Variants in TMEM41B observed in about 807,000 individuals in gnomAD.
TMEM41B encodes the protein protein stasimon.
In TMEM41B, 18 loss-of-function variants were observed where a neutral mutation model predicts 31.9. The observed-to-expected ratio is 0.56, with a 90% confidence interval of 0.39 to 0.84. TMEM41B has a LOEUF of 0.84. TMEM41B is among the 40% of genes least tolerant of loss of function. The pLI, the probability that TMEM41B is intolerant of heterozygous loss-of-function variation, is 0.00. For synonymous variants in TMEM41B, 144 were observed against 124.3 expected (o/e 1.16, Z -1.05); for missense variants, 322 against 348.0 (o/e 0.93, Z 0.59).
chr11:9,295,184 G>A (rs181671007), intron 3 of TMEM41B, 75 bp downstream of exon 3: 3 of 1,313,496 alleles, frequency 2.3e-6, no homozygotes, highest in Admixed American at 3.3e-5. Flanking sequence ...AAATAGTTAT[G>A]TATAAATGAA....
At chr11:9,285,703 T>C (rs1403926817) in intron 6 of TMEM41B, among the ~76,000 whole-genome samples, 3 of 151,774 alleles carry the variant, frequency 2.0e-5, no homozygotes, top group Non-Finnish European at 4.4e-5. Flanking sequence ...CGATAAAAGC[T>C]GGTTTCAGTA....
In TMEM41B at chr11:9,314,566, G is replaced by C. The variant is rs1853648386; in HGVS notation, c.-125C>G. ...CACTTCCGGCGCGACCTCCTCACCC[G>C]AGACGACCTCAGCCCAGCGAGTACT... On this transcript the variant is annotated 5_prime_UTR_variant, in exon 1 of 7. Transcript: ENST00000528080. 1.5e-6 allele frequency: 2 copies of C among 1,354,106 alleles called. No individual in the cohort carries two copies. The highest frequency in any genetic ancestry group is 9.8e-7 in the Non-Finnish European group (1 of 1,021,174). The allele number at this position is 1,354,106 out of a possible 1,614,324, so 83.9% of individuals were successfully genotyped here. A position where few individuals can be genotyped will look rare whatever the true frequency, so the allele number is the denominator to read the frequency against.
chr11:9,296,888 T>C (rs1310162625), intron 2 of TMEM41B, among the ~76,000 whole-genome samples: 1 of 152,174 alleles, frequency 6.6e-6, no homozygotes, highest in African/African-American at 2.4e-5. Context: ...TAATCACCTT[T>C]GTGTTTCATG....
At position 9,314,398 on chromosome 11, in the gene TMEM41B, T is replaced by A; in HGVS notation, c.44A>T (p.His15Leu). 2 of 1,570,668 alleles carry A rather than the reference T, an allele frequency of 1.3e-6. No individual in the cohort carries two copies. Among genetic ancestry groups the A allele is most frequent in the Non-Finnish European group, 1.7e-6 (2 of 1,158,120 alleles). Reference protein sequence around the residue: ...RVAERSQLGAHHTTPVGDGAA... With the variant: ...RVAERSQLGALHTTPVGDGAA... ...CCCGTCCCCCACGGGGGTCGTGTGG[T>A]GAGCGCCCAACTGCGATCGTTCGGC... is the stretch of plus-strand genomic sequence containing the variant. Residue 15 changes from histidine (H) to leucine (L), a missense_variant, in exon 1 of 7, where the codon CAC (histidine) becomes CTC (leucine). Physicochemically the swap from His to Leu is moderately conservative, Grantham distance 99. Coordinates refer to ENST00000528080, the MANE Select transcript of TMEM41B (RefSeq NM_015012.4).
At chr11:9,306,478 C>A (rs927817733) in intron 1 of TMEM41B, among the ~76,000 whole-genome samples, 1 of 151,864 alleles carries the variant, frequency 6.6e-6, no homozygotes, top group East Asian at 2.0e-4. Context: ...GTCAGGAGAT[C>A]GAGACCATCC....
At chr11:9,291,814 T>C (rs2133618353) in intron 3 of TMEM41B, among the ~76,000 whole-genome samples, 1 of 152,220 alleles carries the variant, frequency 6.6e-6, no homozygotes, top group South Asian at 2.1e-4. Context: ...GTTCAAGCAA[T>C]TCTCTGCCTC....
At chr11:9,283,808 G>A (rs893259825) in intron 6 of TMEM41B, among the ~76,000 whole-genome samples, 14 of 150,354 alleles carry the variant, frequency 9.3e-5, no homozygotes, top group African/African-American at 3.4e-4. Context: ...TTTTGAGACG[G>A]AGTTTCGCTC....
At chr11:9,304,573 G>C (rs922524297) in intron 1 of TMEM41B, among the ~76,000 whole-genome samples, 1 of 151,944 alleles carries the variant, frequency 6.6e-6, no homozygotes, top group Non-Finnish European at 1.5e-5. Context: ...CCTGGGAGTT[G>C]AATGCCTTCA....
At chr11:9,286,803 C>G (rs1590371361) in intron 5 of TMEM41B, among the ~76,000 whole-genome samples, 1 of 151,642 alleles carries the variant, frequency 6.6e-6, no homozygotes, top group Non-Finnish European at 1.5e-5. Context: ...AGTTCGAGAA[C>G]AGCCTGGCTA....
intron 3 of TMEM41B, among the ~76,000 whole-genome samples, chr11:9,288,780 G>A (rs558501552): frequency 1.3e-5 from 2 of 152,204 alleles, no homozygotes; most frequent in East Asian, 3.9e-4. Context: ...CACTTTGGGG[G>A]AGGAACAAAA....
At chr11:9,300,827 G>A (rs543381538) in intron 1 of TMEM41B, among the ~76,000 whole-genome samples, 2 of 151,474 alleles carry the variant, frequency 1.3e-5, no homozygotes, top group African/African-American at 2.4e-5. Flanking sequence ...GCAGTGTGCT[G>A]AGATCGCACC....
At position 9,303,048 on chromosome 11, in the gene TMEM41B, G is replaced by A. The variant is rs969335104; in HGVS notation, c.122-3347C>T. 1.9e-5 allele frequency among the ~76,000 whole-genome samples: 2 copies of A among 102,604 alleles called. 1 individual carries two copies. The highest frequency in any genetic ancestry group is 1.9e-4 in the Admixed American group (2 of 10,778). The allele number at this position is 102,604 out of a possible 152,430, so 67.3% of individuals were successfully genotyped here. ...TTGTTGTTGTCTGAGAAGGAGTCTC[G>A]CTCTGTTGCCCAGGCTGGACTGCAG... On this transcript the variant is annotated intron_variant, in intron 1 of 6. Coordinates refer to ENST00000528080, the MANE Select transcript of TMEM41B (RefSeq NM_015012.4).
At chr11:9,305,553 T>C (rs896971766) in intron 1 of TMEM41B, among the ~76,000 whole-genome samples, 2 of 152,184 alleles carry the variant, frequency 1.3e-5, no homozygotes, top group African/African-American at 4.8e-5. Flanking sequence ...TGAGCCAAAG[T>C]TGCGCCATTG....
chr11:9,300,585 T>G (rs11042273), intron 1 of TMEM41B, among the ~76,000 whole-genome samples: 22,250 of 152,038 alleles, frequency 0.15, 2,309 homozygotes, highest in African/African-American at 0.28. Flanking sequence ...GCTTAAAAAA[T>G]TATATGAACG....
At chr11:9,313,802 CTG>C (rs1853620388) in intron 1 of TMEM41B, among the ~76,000 whole-genome samples, 1 of 152,170 alleles carries the variant, frequency 6.6e-6, no homozygotes, top group Non-Finnish European at 1.5e-5. Flanking sequence ...AGTTCAGACA[CTG>C]AGCTTTTTTT....
intron 1 of TMEM41B, chr11:9,311,726 G>A: frequency 1.4e-6 from 1 of 716,352 alleles, no homozygotes; most frequent in South Asian, 1.5e-5. Context: ...ACTGCTGCCT[G>A]GGCTTGATGC....
intron 3 of TMEM41B, among the ~76,000 whole-genome samples, chr11:9,291,774 TCTC>T (rs1004050241): frequency 3.3e-4 from 50 of 151,934 alleles, no homozygotes; most frequent in African/African-American, 1.2e-3. Context: ...AGTGGCGTGA[TCTC>T]AGCTCACTGC....
chr11:9,298,695 A>G (rs1853161120), intron 2 of TMEM41B, among the ~76,000 whole-genome samples: 1 of 151,800 alleles, frequency 6.6e-6, no homozygotes, highest in Admixed American at 6.6e-5. Context: ...AACTCAGGAG[A>G]GGAGGCAGAG....
At chr11:9,299,515 A>G in intron 2 of TMEM41B, 69 bp downstream of exon 2, 1 of 1,070,372 alleles carries the variant, frequency 9.3e-7, no homozygotes, top group Non-Finnish European at 1.4e-6. Flanking sequence ...CAGCTACTGC[A>G]CTTGGCCTTA....
Sources: allele counts gnomAD v4.1 joint callset (sites outside exome capture counted in the v4.1 genomes callset), GRCh38; gene constraint gnomAD v4.1.1; transcripts MANE v1.5; gene names NCBI Gene and HGNC (gene_info 2026-07-23, HGNC 2026-07-21).